The following FGF14 variants were observed in gnomAD, a reference collection of about 807,000 sequenced individuals.
FGF14 encodes fibroblast growth factor 14.
In FGF14, 5 loss-of-function variants were observed where a neutral mutation model predicts 25.5. That is an observed-to-expected ratio of 0.20 (90% confidence interval 0.10 to 0.41). FGF14 has a LOEUF of 0.41. FGF14 is among the 10% of genes least tolerant of loss of function. The pLI, the probability that FGF14 is intolerant of heterozygous loss-of-function variation, is 1.00. For synonymous variants in FGF14, 138 were observed against 118.3 expected (o/e 1.17, Z -1.08); for missense variants, 222 against 320.1 (o/e 0.69, Z 2.34).
At chr13:101,933,914 A>G (rs1485517535) in intron 1 of FGF14, among the ~76,000 whole-genome samples, 1 of 152,206 alleles carries the variant, frequency 6.6e-6, no homozygotes, top group Non-Finnish European at 1.5e-5. Flanking sequence ...TGTTTTATAT[A>G]TGTATACACA....
At chr13:102,014,289 A>C (rs1056897678) in intron 1 of FGF14, among the ~76,000 whole-genome samples, 1 of 152,182 alleles carries the variant, frequency 6.6e-6, no homozygotes, top group African/African-American at 2.4e-5. Flanking sequence ...CTGTAATGCA[A>C]AAAGCAACTT....
chr13:101,892,541 G>A (rs532159200), intron 1 of FGF14, among the ~76,000 whole-genome samples: 17 of 152,218 alleles, frequency 1.1e-4, no homozygotes, highest in African/African-American at 3.1e-4. Flanking sequence ...TCACTACCAC[G>A]TCCCCAAAAT....
At chr13:102,310,735 C>T (rs1481567698) in intron 1 of FGF14, among the ~76,000 whole-genome samples, 2 of 125,128 alleles carry the variant, frequency 1.6e-5, no homozygotes, top group Admixed American at 9.7e-5. Flanking sequence ...TGCTAGAAAA[C>T]TCCCCTTTCC....
chr13:102,188,880 G>T (rs1298159186), intron 1 of FGF14, among the ~76,000 whole-genome samples: 1 of 151,456 alleles, frequency 6.6e-6, no homozygotes, highest in African/African-American at 2.4e-5. Flanking sequence ...GGCAGAGGTT[G>T]CAGTGAGCTG....
chr13:102,260,368 T>C (rs1295287419), intron 1 of FGF14, among the ~76,000 whole-genome samples: 1 of 152,232 alleles, frequency 6.6e-6, no homozygotes, highest in Non-Finnish European at 1.5e-5. Context: ...CAGTGTCAAA[T>C]GAAGATTGAG....
intron 1 of FGF14, among the ~76,000 whole-genome samples, chr13:101,894,263 G>C (rs1239866819): frequency 1.3e-5 from 2 of 152,114 alleles, no homozygotes; most frequent in East Asian, 3.8e-4. Flanking sequence ...AAATGAAAAT[G>C]GTTAGGTGAG....
chr13:102,199,574 A>G (rs1263960694), intron 1 of FGF14, among the ~76,000 whole-genome samples: 1 of 152,164 alleles, frequency 6.6e-6, no homozygotes, highest in Non-Finnish European at 1.5e-5. Flanking sequence ...AAGTCTTTCC[A>G]AAGGGTCCGT....
chr13:102,365,516 G>A (rs1246961088), intron 1 of FGF14, among the ~76,000 whole-genome samples: 1 of 152,138 alleles, frequency 6.6e-6, no homozygotes, highest in African/African-American at 2.4e-5. Context: ...TCAAAATTTT[G>A]TAATTATATT....
At chr13:102,298,520 C>T (rs2054849632) in intron 1 of FGF14, among the ~76,000 whole-genome samples, 1 of 152,076 alleles carries the variant, frequency 6.6e-6, no homozygotes, top group Admixed American at 6.6e-5. Flanking sequence ...GGTGATTTTT[C>T]ATTTTACCTT....
At chr13:102,207,624 TAAAAAAAAAAAAA>T (rs35568335) in intron 1 of FGF14, among the ~76,000 whole-genome samples, 1 of 92,488 alleles carries the variant, frequency 1.1e-5, no homozygotes, top group Non-Finnish European at 2.0e-5. Context: ...CAGTTTTCAT[TAAAAAAAAAAAAA>T]AAAAAAAAAG....
chr13:102,263,151 T>A (rs533263951), intron 1 of FGF14: 14 of 594,786 alleles, frequency 2.4e-5, no homozygotes, highest in African/African-American at 1.9e-4. Context: ...TGCTTTTGTT[T>A]CTTGGCCAGG....
chr13:101,725,749 C>T (rs1413341463), intron 4 of FGF14, among the ~76,000 whole-genome samples: 1 of 151,898 alleles, frequency 6.6e-6, no homozygotes, highest in Non-Finnish European at 1.5e-5. Flanking sequence ...ATCTGATCTT[C>T]TGCAAAAGAG....
chr13:102,324,219 G>C (rs2056347009), intron 1 of FGF14, among the ~76,000 whole-genome samples: 1 of 152,036 alleles, frequency 6.6e-6, no homozygotes, highest in Non-Finnish European at 1.5e-5. Context: ...AAGGAATGGA[G>C]GGAGAGAACC....
chr13:102,156,174 C>A (rs1234776547), intron 1 of FGF14, among the ~76,000 whole-genome samples: 9 of 152,132 alleles, frequency 5.9e-5, no homozygotes, highest in Non-Finnish European at 1.3e-4. Context: ...CCAGCATCAT[C>A]CTGATACCAA....
chr13:101,797,735 A>ATGTGTGTGTGTG (rs1555384521), intron 3 of FGF14, among the ~76,000 whole-genome samples: 55 of 34,082 alleles, frequency 1.6e-3, no homozygotes, highest in African/African-American at 2.9e-3. Flanking sequence ...TCATGAATTG[A>ATGTGTGTGTGTG]TGTGTGTGTG....
chr13:102,061,377 C>T (rs560532265), intron 1 of FGF14, among the ~76,000 whole-genome samples: 15 of 152,308 alleles, frequency 9.8e-5, no homozygotes, highest in Non-Finnish European at 1.6e-4. Flanking sequence ...GCCACCTGCC[C>T]GTCCACATGT....
intron 1 of FGF14, among the ~76,000 whole-genome samples, chr13:102,320,720 A>G (rs147373634): frequency 6.6e-4 from 100 of 152,338 alleles, no homozygotes; most frequent in African/African-American, 2.3e-3. Context: ...GCTGAGCAGC[A>G]TCTATCTACT....
intron 3 of FGF14, among the ~76,000 whole-genome samples, chr13:101,861,850 G>A (rs533390422): frequency 1.3e-5 from 2 of 152,176 alleles, no homozygotes; most frequent in South Asian, 4.2e-4. Context: ...GGATAACTGC[G>A]GTAGATTTTA....
intron 1 of FGF14, among the ~76,000 whole-genome samples, chr13:102,214,358 C>T (rs535542907): frequency 8.5e-4 from 130 of 152,264 alleles, no homozygotes; most frequent in African/African-American, 3.0e-3. Context: ...TCTATTCTTA[C>T]TTTGAGGCTC....
Sources: allele counts gnomAD v4.1 joint callset (sites outside exome capture counted in the v4.1 genomes callset), GRCh38; gene constraint gnomAD v4.1.1; transcripts MANE v1.5; gene names NCBI Gene and HGNC (gene_info 2026-07-23, HGNC 2026-07-21).